Variants in CNOT4 observed in about 807,000 individuals in gnomAD.
CNOT4 encodes the protein CCR4-NOT transcription complex subunit 4, also known as CCR4-associated factor 4.
A neutral mutation model predicts 73.8 loss-of-function variants in CNOT4; 8 were observed. The observed-to-expected ratio is 0.11, with a 90% CI of 0.06 to 0.20. The LOEUF (loss-of-function observed/expected upper bound fraction) is 0.20. Ranked by LOEUF, CNOT4 falls within the 10% of genes least tolerant of loss-of-function variation. The pLI, the probability that CNOT4 is intolerant of heterozygous loss-of-function variation, is 1.00. For synonymous variants in CNOT4, 293 were observed against 321.1 expected (o/e 0.91, Z 0.94); for missense variants, 564 against 883.4 (o/e 0.64, Z 4.58).
At chr7:135,459,763 T>A (rs1317758499) in intron 1 of CNOT4, among the ~76,000 whole-genome samples, 1 of 152,178 alleles carries the variant, frequency 6.6e-6, no homozygotes, top group Non-Finnish European at 1.5e-5. Context: ...TAACCCCTAA[T>A]AAGAGTCAGC....
intron 10 of CNOT4, chr7:135,388,252 T>C (rs1276043578): frequency 2.0e-6 from 2 of 985,012 alleles, no homozygotes; most frequent in African/African-American, 3.5e-5. Context: ...GTAATGCATA[T>C]TATAGGATAT....
intron 2 of CNOT4, among the ~76,000 whole-genome samples, chr7:135,425,740 C>A (rs1798455044): frequency 6.6e-6 from 1 of 152,094 alleles, no homozygotes; most frequent in Non-Finnish European, 1.5e-5. Context: ...ATAGCAAATG[C>A]ATAATCAAAA....
intron 2 of CNOT4, among the ~76,000 whole-genome samples, chr7:135,427,717 C>A (rs192791226): frequency 6.6e-6 from 1 of 152,150 alleles, no homozygotes; most frequent in East Asian, 1.9e-4. Context: ...TAATGGAGAG[C>A]TAATTAACCC....
chr7:135,423,057 T>C (rs1235499245), intron 2 of CNOT4, among the ~76,000 whole-genome samples: 1 of 152,212 alleles, frequency 6.6e-6, no homozygotes, highest in Non-Finnish European at 1.5e-5. Flanking sequence ...AAATGGAAAC[T>C]ACAGTACTTT....
chr7:135,372,676 T>C (rs796397100), intron 10 of CNOT4, among the ~76,000 whole-genome samples: 4 of 152,012 alleles, frequency 2.6e-5, no homozygotes, highest in African/African-American at 9.6e-5. Context: ...CCTATCTCAG[T>C]TTCCCAAATA....
At chr7:135,469,092 T>C (rs531997479) in intron 1 of CNOT4, among the ~76,000 whole-genome samples, 21 of 152,288 alleles carry the variant, frequency 1.4e-4, no homozygotes, top group South Asian at 6.2e-4. Context: ...TAGATAATTA[T>C]TGATGATGAT....
chr7:135,420,608 T>TA, intron 3 of CNOT4, among the ~76,000 whole-genome samples: 1 of 149,116 alleles, frequency 6.7e-6, no homozygotes, highest in East Asian at 2.0e-4. Context: ...AAGTAGATTC[T>TA]AATCAGTAAG....
intron 10 of CNOT4, among the ~76,000 whole-genome samples, chr7:135,392,602 G>C (rs981866884): frequency 2.0e-5 from 3 of 152,126 alleles, no homozygotes; most frequent in Non-Finnish European, 2.9e-5. Flanking sequence ...TCATGTAGAA[G>C]AAGAGGACTG....
Position 135,362,829 on chromosome 7 carries a change from A to C in CNOT4, c.*56T>G. 6.9e-7 allele frequency: 1 copy of C among 1,457,322 alleles called. No homozygotes were observed. The allele number at this position is 1,457,322 out of a possible 1,614,324, so 90.3% of individuals were successfully genotyped here. Reference sequence around the variant, plus strand: ...AGGGAGCTGTGGGTGGTGGGCTGAGAGGGAGAAAACAGAGTGGGACAAATC... The same window carrying C: ...AGGGAGCTGTGGGTGGTGGGCTGAGCGGGAGAAAACAGAGTGGGACAAATC... On this transcript the variant is annotated 3_prime_UTR_variant, in exon 12 of 12. Transcript: ENST00000541284.
intron 1 of CNOT4, among the ~76,000 whole-genome samples, chr7:135,449,997 T>C (rs943716627): frequency 2.6e-5 from 4 of 152,108 alleles, no homozygotes; most frequent in African/African-American, 4.8e-5. Flanking sequence ...AAATACTGGA[T>C]TTCATCATAG....
chr7:135,438,684 C>T (rs537934370), intron 1 of CNOT4, among the ~76,000 whole-genome samples: 25 of 152,168 alleles, frequency 1.6e-4, no homozygotes, highest in Non-Finnish European at 3.1e-4. Context: ...GCCTATAGCA[C>T]TCATCATAAC....
intron 1 of CNOT4, among the ~76,000 whole-genome samples, chr7:135,457,121 C>T (rs1215181724): frequency 1.3e-5 from 2 of 151,908 alleles, no homozygotes; most frequent in Admixed American, 1.3e-4. Flanking sequence ...TCAAATAAAA[C>T]ATCAAATATC....
At position 135,434,522 on chromosome 7, in the gene CNOT4, C is replaced by T. The variant is rs147631217; in HGVS notation, c.174+3636G>A. Among the ~76,000 whole-genome samples, 7 of 152,338 alleles carry T rather than the reference C, an allele frequency of 4.6e-5. No individual in the cohort carries two copies. The East Asian group carries it at 1.3e-3, about 29-fold the overall frequency. On this transcript the variant is annotated intron_variant, in intron 2 of 11. Coordinates refer to ENST00000541284, the MANE Select transcript of CNOT4 (RefSeq NM_001190850.2). Reference sequence around the variant, plus strand: ...CTTGGAGACCCTAAAGGGAGGTTGTCTTAGACCTCTGTAATCTGGATTTCT... The same window carrying T: ...CTTGGAGACCCTAAAGGGAGGTTGTTTTAGACCTCTGTAATCTGGATTTCT...
At chr7:135,424,905 T>G (rs773072940) in intron 2 of CNOT4, among the ~76,000 whole-genome samples, 1 of 152,216 alleles carries the variant, frequency 6.6e-6, no homozygotes, top group African/African-American at 2.4e-5. Context: ...ATCAAACACA[T>G]GGATTGCTCC....
intron 3 of CNOT4, among the ~76,000 whole-genome samples, chr7:135,415,487 G>C (rs1287742106): frequency 6.6e-6 from 1 of 152,014 alleles, no homozygotes; most frequent in African/African-American, 2.4e-5. Flanking sequence ...TAGAAACTGA[G>C]ACTCACTAAA....
At position 135,364,720 on chromosome 7, in the gene CNOT4, A is replaced by T. The variant is rs1794822921; in HGVS notation, c.1628-654T>A. On this transcript the variant is annotated intron_variant, in intron 10 of 11. Transcript: ENST00000541284. The surrounding 1 kb of genome is among the most constrained non-coding windows in gnomAD (Gnocchi z 4.3). ...ATTTCCAACACAGTCTGCCTGCTCT[A>T]CTCCAACAGTTCTACCAATCATTCA... Among the ~76,000 whole-genome samples the T allele has an allele frequency of 6.6e-6, 1 of 152,156 alleles. No homozygotes were observed.
chr7:135,426,030 G>T (rs144465371), intron 2 of CNOT4, among the ~76,000 whole-genome samples: 215 of 151,984 alleles, frequency 1.4e-3, no homozygotes, highest in African/African-American at 5.0e-3. Context: ...GAGCAACACA[G>T]TGAGACCCCC....
At chr7:135,477,329 TGA>T (rs754669075) in intron 1 of CNOT4, among the ~76,000 whole-genome samples, 1 of 149,698 alleles carries the variant, frequency 6.7e-6, no homozygotes, top group Non-Finnish European at 1.5e-5. Flanking sequence ...GGTGACCGAG[TGA>T]GACTCTTGTC....
In CNOT4 at chr7:135,413,623, G is replaced by C; in HGVS notation, c.562-10C>G. The stretch of plus-strand genomic sequence containing the variant: ...TTGTACCTAGAGATGCCTGCAGGAG[G>C]AAGAGGGGTAAAGGAAAAGAAGACT... On this transcript the variant is annotated splice_polypyrimidine_tract_variant and intron_variant, in intron 5 of 11. Coordinates refer to ENST00000541284, the MANE Select transcript of CNOT4 (RefSeq NM_001190850.2). 1.2e-6 allele frequency: 2 copies of C among 1,607,188 alleles called. No homozygotes were observed. The highest frequency in any genetic ancestry group is 1.7e-6 in the Non-Finnish European group (2 of 1,176,144).
Sources: gnomAD v4.1 joint callset for allele counts (sites outside exome capture counted in the v4.1 genomes callset) on GRCh38, gnomAD v4.1.1 for gene constraint, Gnocchi (gnomAD v3.1) non-coding constraint, MANE v1.5 for transcripts, NCBI Gene and HGNC (gene_info 2026-07-23, HGNC 2026-07-21) for gene names.